MAD2L1BP: variants seen among roughly 807,000 people sequenced by gnomAD.
MAD2L1BP encodes MAD2L1-binding protein.
A neutral mutation model predicts 28.4 loss-of-function variants in MAD2L1BP; 22 were observed. The ratio of observed to expected loss-of-function variants is 0.77; its 90% CI spans 0.55 to 1.10. The LOEUF (loss-of-function observed/expected upper bound fraction) is 1.10. Among genes scored for constraint, MAD2L1BP ranks in the 50% least tolerant of loss-of-function variants. The pLI is 0.00. For missense variants in MAD2L1BP, 325 were observed against 350.5 expected (o/e 0.93, Z 0.58); for synonymous variants, 146 against 133.7 (o/e 1.09, Z -0.63).
chr6:43,637,061 AATTT>A (rs1479221810), intron 2 of MAD2L1BP, among the ~76,000 whole-genome samples: 6 of 150,244 alleles, frequency 4.0e-5, no homozygotes, highest in Non-Finnish European at 5.9e-5. Flanking sequence ...TATTTTAATT[AATTT>A]ATTTATTTTA....
upstream of MAD2L1BP, chr6:43,633,079 C>G: frequency 2.7e-6 from 1 of 372,744 alleles, no homozygotes; most frequent in South Asian, 2.0e-5. Context: ...TCCCTCTGCC[C>G]TTAAGCAATT....
Position 43,635,893 on chromosome 6 carries a change from G to A in MAD2L1BP, c.18G>A (p.Ala6=). 3 of 1,480,908 alleles carry A rather than the reference G, an allele frequency of 2.0e-6. No individual in the cohort carries two copies. The highest frequency in any genetic ancestry group is 6.0e-5 in the Admixed American group (2 of 33,354). The allele number at this position is 1,480,908 out of a possible 1,614,324, so 91.7% of individuals were successfully genotyped here. The change falls in exon 1 of 3, where the codon GCG becomes GCA. Residue 6 remains alanine (A), a synonymous_variant. Transcript: ENST00000372171. Reference sequence around the variant, plus strand: ...AGGTCGTGATGGCGGCGCCGGAGGCGGAGGTTCTGTCCTCAGCCGCAGTCC... The same window carrying A: ...AGGTCGTGATGGCGGCGCCGGAGGCAGAGGTTCTGTCCTCAGCCGCAGTCC... MAAPE[A]EVLSSAAVPD... is the part of the protein sequence containing the mutation.
intron 1 of MAD2L1BP, among the ~76,000 whole-genome samples, chr6:43,630,699 C>A (rs1397894073): frequency 1.3e-5 from 2 of 149,384 alleles, no homozygotes; most frequent in African/African-American, 5.0e-5. Context: ...CCCGAGATCA[C>A]GCCATTGCAC....
chr6:43,631,782 G>A (rs1265145955), upstream of MAD2L1BP, among the ~76,000 whole-genome samples: 1 of 152,140 alleles, frequency 6.6e-6, no homozygotes, highest in African/African-American at 2.4e-5. Flanking sequence ...TGCCACACCT[G>A]ACCTACTATT....
chr6:43,632,178 G>A (rs1207766148), upstream of MAD2L1BP, among the ~76,000 whole-genome samples: 1 of 151,966 alleles, frequency 6.6e-6, no homozygotes, highest in Non-Finnish European at 1.5e-5. Context: ...GGGATTACAG[G>A]TGTGAGCCAC....
rs1770225928 is a variant in MAD2L1BP, at chr6:43,636,437, G to T, written c.103G>T (p.Glu35Ter). 3 of 1,614,130 alleles carry T rather than the reference G, an allele frequency of 1.9e-6. No homozygotes were observed. The highest frequency in any genetic ancestry group is 2.5e-6 in the Non-Finnish European group (3 of 1,180,016). The change falls in exon 2 of 3, where the codon GAG becomes TAG. Residue 35 changes from glutamate (E) to a stop codon, truncating the protein, a stop_gained. Coordinates refer to ENST00000372171, the MANE Select transcript of MAD2L1BP (RefSeq NM_014628.3). LOFTEE classifies it high-confidence loss of function. ...TCACGCCTCCCAGATAGAACTACTT[G>T]AGACAAGCTCTACGCAGGAACCTCT... ...ETHASQIELLETSSTQEPLNA... is the reference protein window; with the variant it reads ...ETHASQIELL
chr6:43,630,372 T>C (rs767697019), intron 1 of MAD2L1BP, among the ~76,000 whole-genome samples: 34 of 152,326 alleles, frequency 2.2e-4, no homozygotes, highest in Non-Finnish European at 5.0e-4. Context: ...GGCTGTCTCA[T>C]GACTCAGACC....
rs759696374 is a variant in MAD2L1BP, at chr6:43,640,581, C to A, written c.*48C>A. The stretch of plus-strand genomic sequence containing the variant: ...AACACAATGGCTGAATTATCTTTCT[C>A]CATGTGGCGCTGAATCACCCATCTG... On this transcript the variant is annotated 3_prime_UTR_variant, in exon 3 of 3. Transcript: ENST00000372171. 6.6e-7 allele frequency: 1 copy of A among 1,513,782 alleles called. No homozygotes were observed. Among genetic ancestry groups the A allele is most frequent in the Admixed American group, 2.1e-5 (1 of 46,852 alleles). 93.8% of individuals were successfully genotyped at this position (1,513,782 alleles called of 1,614,324 possible). A position where few individuals can be genotyped will look rare whatever the true frequency, so the allele number is the denominator to read the frequency against.
upstream of MAD2L1BP, among the ~76,000 whole-genome samples, chr6:43,634,947 C>G (rs1383164250): frequency 6.6e-6 from 1 of 152,082 alleles, no homozygotes; most frequent in East Asian, 1.9e-4. Context: ...TCGAGTTTAC[C>G]CAATTATCTC....
intron 1 of MAD2L1BP, among the ~76,000 whole-genome samples, chr6:43,630,036 G>C (rs978556199): frequency 6.6e-6 from 1 of 152,200 alleles, no homozygotes; most frequent in Non-Finnish European, 1.5e-5. Context: ...AGAACCAATC[G>C]GGAAGAACTG....
In MAD2L1BP at chr6:43,640,312, G is replaced by T; in HGVS notation, c.604G>T (p.Glu202Ter). The T allele has an allele frequency of 6.2e-7, 1 of 1,613,500 alleles. No homozygotes were observed. The change falls in exon 3 of 3, where the codon GAG (glutamate) becomes TAG (stop). Residue 202 changes from glutamate to a stop codon, truncating the protein, a stop_gained. Transcript: ENST00000372171. LOFTEE classifies it high-confidence loss of function. ...CATATTCATGGCTGATGCCTTTAGC[G>T]AGCTTCAGGCTCCTCCACTCATGGG... The part of the protein sequence containing the change: ...RAIFMADAFS[E>*]LQAPPLMGTV...
Position 43,640,394 on chromosome 6 carries a change from A to G in MAD2L1BP, c.686A>G (p.Lys229Arg), listed in dbSNP as rs933066671. 1.2e-6 allele frequency: 2 copies of G among 1,613,884 alleles called. No individual in the cohort carries two copies. The highest frequency in any genetic ancestry group is 1.7e-6 in the Non-Finnish European group (2 of 1,180,028). The change falls in exon 3 of 3, where the codon AAG becomes AGG. Residue 229 changes from lysine (K) to arginine (R), a missense_variant. By Grantham distance (26) the Lys-to-Arg change is conservative. Transcript: ENST00000372171. The stretch of plus-strand genomic sequence containing the variant: ...TGTGGAGAAGATTGGTTTCGACCCA[A>G]GCTCAACTATCGAGTGCCCAGCCGG... Reference protein sequence around the residue: ...RNCGEDWFRPKLNYRVPSRGH... With the variant: ...RNCGEDWFRPRLNYRVPSRGH...
rs368776860 is a variant in MAD2L1BP at position 43,640,527 on chromosome 6, C to A, written c.819C>A (p.Arg273=). Residue 273 remains arginine (R), a synonymous_variant, in exon 3 of 3, where the codon CGC becomes CGA. Coordinates refer to ENST00000372171, the MANE Select transcript of MAD2L1BP (RefSeq NM_014628.3). The part of the protein sequence containing the change: ...FQAPVTFKGF[R]E ...CACCAGTGACATTTAAAGGCTTCCG[C>A]GAGTGAATGAGTGCTTCTTAATCCT... is the stretch of plus-strand genomic sequence containing the variant. 4.1e-5 allele frequency: 65 copies of A among 1,577,486 alleles called. No homozygotes were observed. Among genetic ancestry groups the A allele is most frequent in the African/African-American group, 1.9e-4 (14 of 73,772 alleles).
At chr6:43,632,542 A>G (rs1769983819), upstream of MAD2L1BP, among the ~76,000 whole-genome samples, 1 of 151,864 alleles carries the variant, frequency 6.6e-6, no homozygotes, top group Admixed American at 6.6e-5. Flanking sequence ...TACAGGCGTG[A>G]GCCACTATGC....
chr6:43,637,126 G>A (rs987381173), intron 2 of MAD2L1BP, among the ~76,000 whole-genome samples: 2 of 152,042 alleles, frequency 1.3e-5, no homozygotes, highest in Non-Finnish European at 2.9e-5. Flanking sequence ...ATGCAATGGC[G>A]TGATCTCGGC....
chr6:43,638,991 C>T (rs980779454), intron 2 of MAD2L1BP, among the ~76,000 whole-genome samples: 1 of 152,034 alleles, frequency 6.6e-6, no homozygotes, highest in Non-Finnish European at 1.5e-5. Context: ...ATTCATTTCC[C>T]CTATATTCAC....
upstream of MAD2L1BP, among the ~76,000 whole-genome samples, chr6:43,631,921 T>A (rs1031505439): frequency 5.3e-5 from 8 of 152,180 alleles, no homozygotes; most frequent in Non-Finnish European, 1.2e-4. Context: ...TGTTTTTTGA[T>A]GGAGTTTCGC....
At chr6:43,632,662 CTTT>C (rs775956301), upstream of MAD2L1BP, among the ~76,000 whole-genome samples, 5 of 107,358 alleles carry the variant, frequency 4.7e-5, no homozygotes, top group East Asian at 2.7e-4. Context: ...TGACACTTGT[CTTT>C]TTTTTTTTTT....
intron 1 of MAD2L1BP, among the ~76,000 whole-genome samples, chr6:43,630,568 C>A (rs1010916397): frequency 1.3e-5 from 2 of 152,040 alleles, no homozygotes; most frequent in Non-Finnish European, 2.9e-5. Context: ...CACAGCGAAA[C>A]CCCGTCTCTA....
Sources: gnomAD v4.1 joint callset for allele counts (sites outside exome capture counted in the v4.1 genomes callset) on GRCh38, gnomAD v4.1.1 for gene constraint, MANE v1.5 for transcripts, NCBI Gene and HGNC (gene_info 2026-07-23, HGNC 2026-07-21) for gene names.